The following TLE4 variants were observed in gnomAD, a reference collection of about 807,000 sequenced individuals.
TLE4 encodes transducin-like enhancer protein 4.
Under a neutral mutation model 92.8 loss-of-function variants are expected in TLE4, and 8 were observed. The observed-to-expected ratio is 0.09, with a 90% CI of 0.05 to 0.16. The LOEUF (loss-of-function observed/expected upper bound fraction) is 0.16. Ranked by LOEUF, TLE4 falls within the 10% of genes least tolerant of loss-of-function variation. The pLI, the probability that TLE4 is intolerant of heterozygous loss-of-function variation, is 1.00. For missense variants in TLE4, 675 were observed against 997.6 expected (o/e 0.68, Z 4.36); for synonymous variants, 371 against 374.1 (o/e 0.99, Z 0.10).
chr9:79,598,683 G>A (rs547096010), intron 4 of TLE4, among the ~76,000 whole-genome samples: 75 of 152,052 alleles, frequency 4.9e-4, no homozygotes, highest in African/African-American at 1.5e-3. Flanking sequence ...GACAATAATC[G>A]AAAGTTATGA....
At chr9:79,707,303 C>CATA in intron 11 of TLE4, 2 of 1,116,652 alleles carry the variant, frequency 1.8e-6, no homozygotes, top group Non-Finnish European at 2.7e-6. Context: ...ATAATTTTCC[C>CATA]TTCCTATCTA....
chr9:79,640,375 A>G (rs1012154485), intron 6 of TLE4, among the ~76,000 whole-genome samples: 2 of 152,172 alleles, frequency 1.3e-5, no homozygotes, highest in Non-Finnish European at 2.9e-5. Flanking sequence ...TAGGCCCACC[A>G]TGATATTACT....
At chr9:79,641,264 T>C (rs1275359814) in intron 6 of TLE4, among the ~76,000 whole-genome samples, 1 of 151,916 alleles carries the variant, frequency 6.6e-6, no homozygotes, top group African/African-American at 2.4e-5. Flanking sequence ...CAAAAGATGC[T>C]TTAAAGAAAA....
intron 4 of TLE4, among the ~76,000 whole-genome samples, chr9:79,599,817 C>G (rs2045130821): frequency 6.6e-6 from 1 of 152,168 alleles, no homozygotes; most frequent in Non-Finnish European, 1.5e-5. Flanking sequence ...CTTCCCTGAT[C>G]ATGTCATCCA....
Position 79,579,307 on chromosome 9 carries a change from A to C in TLE4, c.252+3130A>C, listed in dbSNP as rs951303711. 5.9e-5 allele frequency among the ~76,000 whole-genome samples: 9 copies of C among 152,354 alleles called. No individual in the cohort carries two copies. In the South Asian group the frequency reaches 6.2e-4, roughly 11 times the overall value. On this transcript the variant is annotated intron_variant, in intron 4 of 19. Transcript: ENST00000376552. ...TGCATGGAGTTGATAGCATTACTAA[A>C]TGCTGCTTCTTCCCATCTTTCACCT...
chr9:79,631,488 A>G (rs2133682347), intron 6 of TLE4, among the ~76,000 whole-genome samples: 1 of 152,296 alleles, frequency 6.6e-6, no homozygotes, highest in African/African-American at 2.4e-5. Context: ...TACTAAGGAA[A>G]TGATTTAAAT....
chr9:79,621,968 T>G (rs2051127460), intron 5 of TLE4, among the ~76,000 whole-genome samples: 1 of 152,238 alleles, frequency 6.6e-6, no homozygotes, highest in African/African-American at 2.4e-5. Context: ...CTGGTTTACC[T>G]CTCTGCCATC....
chr9:79,626,708 C>T (rs753585205), intron 5 of TLE4, among the ~76,000 whole-genome samples: 4 of 152,040 alleles, frequency 2.6e-5, no homozygotes, highest in African/African-American at 9.7e-5. Context: ...CTGTACTGTC[C>T]GTCCTAGTTT....
intron 14 of TLE4, among the ~76,000 whole-genome samples, chr9:79,711,232 T>C (rs902202066): frequency 1.3e-5 from 2 of 152,196 alleles, no homozygotes; most frequent in African/African-American, 4.8e-5. Flanking sequence ...GGCTGATTAA[T>C]AGGGGAGAAA....
intron 4 of TLE4, 68 bp from the exon 5 acceptor site, chr9:79,612,588 A>T: frequency 7.5e-7 from 1 of 1,338,928 alleles, no homozygotes; most frequent in Non-Finnish European, 1.1e-6. Flanking sequence ...TCATCCTGTT[A>T]ATATTTGGGG....
chr9:79,599,423 G>C (rs964275212), intron 4 of TLE4, among the ~76,000 whole-genome samples: 1 of 152,200 alleles, frequency 6.6e-6, no homozygotes, highest in African/African-American at 2.4e-5. Context: ...TCTGGAGTGA[G>C]GCCTGGGTGT....
chr9:79,648,338 G>T (rs2058424699), intron 6 of TLE4, among the ~76,000 whole-genome samples: 1 of 152,176 alleles, frequency 6.6e-6, no homozygotes, highest in Non-Finnish European at 1.5e-5. Context: ...TCTCTGGCAA[G>T]TCAGGGTCTT....
rs1436550652 is a variant in TLE4, at chr9:79,652,723, G to T, written c.521G>T (p.Ser174Ile). ...GSSAGLLALS[S>I]ALGGQSHLPI... ...AGTGCCGGGCTTCTGGCCCTCTCCA[G>T]TGCTCTAGGAGGTCAGTCCCATCTT... Residue 174 changes from serine (S) to isoleucine (I), a missense_variant, in exon 7 of 20, where the codon AGT (serine) becomes ATT (isoleucine). By Grantham distance (142) the Ser-to-Ile change is moderately radical. Around this residue, in one of 5 missense-constraint regions of TLE4, gnomAD observed 280 missense variants for 287.3 expected, o/e 0.97. Coordinates refer to ENST00000376552, the MANE Select transcript of TLE4 (RefSeq NM_007005.6). 1.2e-6 allele frequency: 2 copies of T among 1,613,980 alleles called. No individual in the cohort carries two copies. The highest frequency in any genetic ancestry group is 1.7e-5 in the Admixed American group (1 of 59,996).
At chr9:79,667,185 G>C (rs113755648) in intron 8 of TLE4, among the ~76,000 whole-genome samples, 1 of 152,178 alleles carries the variant, frequency 6.6e-6, no homozygotes, top group African/African-American at 2.4e-5. Context: ...CTGGAAGTGG[G>C]CCTGGGGTGT....
chr9:79,680,345 T>C (rs2064246700), intron 8 of TLE4, among the ~76,000 whole-genome samples: 1 of 152,170 alleles, frequency 6.6e-6, no homozygotes, highest in Non-Finnish European at 1.5e-5. Context: ...CCCTTGTAAG[T>C]TGGATTCCTA....
rs750655876 is a variant in TLE4, at chr9:79,573,700, G to T, written c.57G>T (p.Gln19His). The T allele has an allele frequency of 3.7e-6, 6 of 1,602,632 alleles. No individual in the cohort carries two copies. The highest frequency in any genetic ancestry group is 4.3e-6 in the Non-Finnish European group (5 of 1,171,736). Residue 19 changes from glutamine (Q) to histidine (H), a missense_variant, in exon 2 of 20, where the codon CAG (glutamine) becomes CAT (histidine). This residue lies in a region of TLE4 where 38 missense variants were observed against 33.5 expected (regional missense o/e 1.14). Coordinates refer to ENST00000376552, the MANE Select transcript of TLE4 (RefSeq NM_007005.6). ...TTGTTGTTCTTCAGGCACCGCATCA[G>T]CCTGCTCAACCCTTTAAATTTACAA... Reference protein sequence around the residue: ...YPQTRHPAPHQPAQPFKFTIS... With the variant: ...YPQTRHPAPHHPAQPFKFTIS...
In TLE4 at chr9:79,721,271, C is replaced by T. The variant is rs539039953; in HGVS notation, c.1839-470C>T. The stretch of plus-strand genomic sequence containing the variant: ...TGCCTTACTTGAGAGCCTCGCCTTC[C>T]GTCTTGCACAGCCACCCACAGACAC... On this transcript the variant is annotated intron_variant, in intron 16 of 19. Transcript: ENST00000376552. Among the ~76,000 whole-genome samples the T allele has an allele frequency of 1.2e-4, 18 of 152,320 alleles. No individual in the cohort carries two copies. In the East Asian group the frequency reaches 3.3e-3, roughly 28 times the overall value.
rs761017708 is a variant in TLE4, at chr9:79,708,691, G to A, written c.1168G>A (p.Gly390Arg). 9 of 1,613,668 alleles carry A rather than the reference G, an allele frequency of 5.6e-6. No homozygotes were observed. The highest frequency in any genetic ancestry group is 7.6e-6 in the Non-Finnish European group (9 of 1,180,042). ...AGMNGELTSPGAAYAGLHNIS... is the reference protein window; with the variant it reads ...AGMNGELTSPRAAYAGLHNIS... ...AATGAACGGAGAGCTGACCAGCCCC[G>A]GAGCGGCCTACGCTGGGCTCCACAA... The change falls in exon 13 of 20, where the codon GGA (glycine) becomes AGA (arginine). Residue 390 changes from glycine to arginine, a missense_variant. Gly to Arg is a moderately radical substitution (Grantham distance 125). Transcript: ENST00000376552.
chr9:79,645,363 G>A (rs1167016595), intron 6 of TLE4, among the ~76,000 whole-genome samples: 1 of 152,202 alleles, frequency 6.6e-6, no homozygotes, highest in Non-Finnish European at 1.5e-5. Flanking sequence ...GAGTGGGGGT[G>A]AACAAGGAAA....
Sources: allele counts gnomAD v4.1 joint callset (sites outside exome capture counted in the v4.1 genomes callset), GRCh38; gene constraint gnomAD v4.1.1; regional missense constraint gnomAD v4.1.1; transcripts MANE v1.5; gene names NCBI Gene and HGNC (gene_info 2026-07-23, HGNC 2026-07-21).